Variants in ADAMTS17 observed in about 807,000 individuals in gnomAD.
The protein encoded by ADAMTS17 is ADAM metallopeptidase with thrombospondin type 1 motif 17.
A neutral mutation model predicts 141.5 loss-of-function variants in ADAMTS17; 113 were observed. The ratio of observed to expected loss-of-function variants is 0.80; its 90% CI spans 0.69 to 0.93. The LOEUF (loss-of-function observed/expected upper bound fraction) is 0.93. Among genes scored for constraint, ADAMTS17 ranks in the 40% least tolerant of loss-of-function variants. ADAMTS17 has a pLI of 0.00. For synonymous variants in ADAMTS17, 768 were observed against 630.6 expected, an observed-to-expected ratio of 1.22 and a Z score of -3.27; for missense variants, 1,659 against 1,517.9, an observed-to-expected ratio of 1.09 and a Z score of -1.54.
At position 100,102,421 on chromosome 15, in the gene ADAMTS17, C is replaced by T. The variant is rs1470260712; in HGVS notation, c.2017-5945G>A. On this transcript the variant is annotated intron_variant, in intron 14 of 21. Transcript: ENST00000268070. ...AGGGGATCTACATTTGAGGGCCGAC[C>T]GAAGGGGATCTACATTTGAGGGCCG... Among the ~76,000 whole-genome samples, 4 of 70,528 alleles carry T rather than the reference C, an allele frequency of 5.7e-5. No individual in the cohort carries two copies. The Admixed American group carries it at 6.0e-4, about 11-fold the overall frequency. 46.3% of individuals were successfully genotyped at this position (70,528 alleles called of 152,430 possible).
intron 21 of ADAMTS17, 55 bp from the exon 22 acceptor site, chr15:99,974,617 G>A: frequency 6.2e-7 from 1 of 1,608,978 alleles, no homozygotes; most frequent in Non-Finnish European, 8.5e-7. Flanking sequence ...GGCATGTCCT[G>A]ATGCAGGCAC....
chr15:100,207,027 T>C (rs889315611), intron 7 of ADAMTS17, among the ~76,000 whole-genome samples: 2 of 152,340 alleles, frequency 1.3e-5, no homozygotes, highest in Admixed American at 1.3e-4. Flanking sequence ...TGTTATGGGC[T>C]AAACTGTGTC....
At chr15:100,010,757 A>G (rs1371197858) in intron 18 of ADAMTS17, among the ~76,000 whole-genome samples, 1 of 152,174 alleles carries the variant, frequency 6.6e-6, no homozygotes, top group Non-Finnish European at 1.5e-5. Flanking sequence ...CAAAGGAGTG[A>G]GGTGAGGAGG....
chr15:100,049,130 G>A (rs1173359056), intron 17 of ADAMTS17, 138 bp from the exon 18 acceptor site: 2 of 1,340,830 alleles, frequency 1.5e-6, no homozygotes, highest in East Asian at 2.4e-5. Flanking sequence ...TAAATGTCAT[G>A]TGGGTTTTTA....
intron 18 of ADAMTS17, among the ~76,000 whole-genome samples, chr15:100,032,403 T>C (rs1404067158): frequency 6.6e-6 from 1 of 152,196 alleles, no homozygotes; most frequent in Non-Finnish European, 1.5e-5. Context: ...ATTTCTTTTC[T>C]AGTATGGGTG....
intron 4 of ADAMTS17, among the ~76,000 whole-genome samples, chr15:100,277,178 C>A (rs1334838610): frequency 6.6e-6 from 1 of 152,128 alleles, no homozygotes; most frequent in South Asian, 2.1e-4. Context: ...CAGGCCTCCT[C>A]AGGAAACATC....
At chr15:100,108,070 G>A (rs2036516862) in intron 14 of ADAMTS17, among the ~76,000 whole-genome samples, 1 of 152,176 alleles carries the variant, frequency 6.6e-6, no homozygotes, top group South Asian at 2.1e-4. Flanking sequence ...TGCTACCCCA[G>A]GCTAGGAGCC....
rs190644279 is a variant in ADAMTS17, at chr15:100,156,459, C to T, written c.1182-1139G>A. Among the ~76,000 whole-genome samples, 205 of 152,326 alleles carry T rather than the reference C, an allele frequency of 1.3e-3. 2 individuals are homozygous for T. The highest frequency in any genetic ancestry group is 4.7e-3 in the African/African-American group (196 of 41,562). ...GTCCTTTGGAGGATCCGCTGCCTGG[C>T]GCTCATGTGTTCTGGAACTTTGGGC... On this transcript the variant is annotated intron_variant, in intron 8 of 21. Transcript: ENST00000268070.
intron 6 of ADAMTS17, among the ~76,000 whole-genome samples, chr15:100,258,605 G>A (rs996472304): frequency 3.9e-5 from 6 of 152,062 alleles, no homozygotes; most frequent in African/African-American, 1.4e-4. Context: ...CAGATCTTGT[G>A]AGACTTCTTC....
At chr15:100,117,094 GGGA>G in intron 12 of ADAMTS17, 81 bp from the exon 13 acceptor site, 1 of 1,507,558 alleles carries the variant, frequency 6.6e-7, no homozygotes, top group Non-Finnish European at 8.9e-7. Context: ...TCTTGCCAGG[GGGA>G]GGAGAGGAAG....
At chr15:100,281,121 C>T (rs1448752202) in intron 4 of ADAMTS17, 108 bp downstream of exon 4, 1 of 1,485,144 alleles carries the variant, frequency 6.7e-7, no homozygotes, top group Non-Finnish European at 9.1e-7. Flanking sequence ...GTATCCCCAA[C>T]CCAGCGTCTT....
At chr15:100,120,345 G>A (rs1393235854) in intron 12 of ADAMTS17, among the ~76,000 whole-genome samples, 1 of 152,198 alleles carries the variant, frequency 6.6e-6, no homozygotes, top group African/African-American at 2.4e-5. Context: ...CACAAGGCAG[G>A]CAGCTATGTC....
intron 20 of ADAMTS17, among the ~76,000 whole-genome samples, chr15:99,987,968 A>G (rs2060623629): frequency 6.6e-6 from 1 of 151,924 alleles, no homozygotes; most frequent in African/African-American, 2.4e-5. Context: ...ATACACACAC[A>G]TGGTGCCAAC....
At chr15:100,165,534 T>C (rs1016699061) in intron 8 of ADAMTS17, among the ~76,000 whole-genome samples, 8 of 152,246 alleles carry the variant, frequency 5.3e-5, no homozygotes, top group African/African-American at 1.9e-4. Context: ...GCTTAGAGCA[T>C]CCAAAAATGC....
intron 8 of ADAMTS17, among the ~76,000 whole-genome samples, chr15:100,175,823 G>C (rs1418874696): frequency 1.3e-5 from 2 of 151,936 alleles, no homozygotes; most frequent in African/African-American, 4.8e-5. Flanking sequence ...TGCTTGGCAA[G>C]ATTCCACGTC....
rs147701283 is a variant in ADAMTS17 at position 100,249,761 on chromosome 15, C to T, written c.1075+4375G>A. On this transcript the variant is annotated intron_variant, in intron 7 of 21. Transcript: ENST00000268070. ...GCTGATGCAGAGGAGAGTATTTTTA[C>T]GGAAGCCCCAAACCTCGCAGCGCCT... Among the ~76,000 whole-genome samples, 88 of 152,326 alleles carry T rather than the reference C, an allele frequency of 5.8e-4. 1 individual carries two copies. The highest frequency in any genetic ancestry group is 1.8e-3 in the African/African-American group (76 of 41,570).
intron 3 of ADAMTS17, among the ~76,000 whole-genome samples, chr15:100,305,339 C>A (rs1596484568): frequency 6.6e-6 from 1 of 152,210 alleles, no homozygotes; most frequent in African/African-American, 2.4e-5. Flanking sequence ...ATTTAGGATG[C>A]CAGATTCCTC....
chr15:100,183,564 T>C (rs937020200), intron 8 of ADAMTS17, among the ~76,000 whole-genome samples: 1 of 152,262 alleles, frequency 6.6e-6, no homozygotes, highest in Non-Finnish European at 1.5e-5. Flanking sequence ...TTATAATTAA[T>C]TTTTGGAAGC....
intron 3 of ADAMTS17, among the ~76,000 whole-genome samples, chr15:100,315,112 CAG>C: frequency 1.3e-5 from 2 of 152,336 alleles, no homozygotes; most frequent in South Asian, 4.1e-4. Context: ...CACCTGATCT[CAG>C]AGGTAAAAGC....
Sources: gnomAD v4.1 joint callset for allele counts (sites outside exome capture counted in the v4.1 genomes callset) on GRCh38, gnomAD v4.1.1 for gene constraint, MANE v1.5 for transcripts, NCBI Gene and HGNC (gene_info 2026-07-23, HGNC 2026-07-21) for gene names.